IL1RAPL2: variants seen among roughly 807,000 people sequenced by gnomAD.
IL1RAPL2 encodes X-linked interleukin-1 receptor accessory protein-like 2.
Under a neutral mutation model 44.1 loss-of-function variants are expected in IL1RAPL2, and 3 were observed. That is an observed-to-expected ratio of 0.07 (90% CI 0.03 to 0.18). The LOEUF (loss-of-function observed/expected upper bound fraction) is 0.18, where lower values mean the gene tolerates loss of function less well. Among genes scored for constraint, IL1RAPL2 ranks in the 10% least tolerant of loss-of-function variants. The pLI, the probability that IL1RAPL2 is intolerant of heterozygous loss-of-function variation, is 1.00. For synonymous variants in IL1RAPL2, 181 were observed against 178.8 expected, an observed-to-expected ratio of 1.01 and a Z score of -0.10; for missense variants, 391 against 496.4, an observed-to-expected ratio of 0.79 and a Z score of 2.02.
intron 2 of IL1RAPL2, among the ~76,000 whole-genome samples, chrX:104,820,769 T>C (rs1004106526): frequency 1.1e-4 from 12 of 112,386 alleles, no homozygotes; most frequent in African/African-American, 3.9e-4. Flanking sequence ...CTTTGTAAGA[T>C]AGGAATAATA....
At chrX:105,592,304 T>C (rs2037178096) in intron 6 of IL1RAPL2, among the ~76,000 whole-genome samples, 1 of 112,116 alleles carries the variant, frequency 8.9e-6, no homozygotes, top group African/African-American at 3.2e-5. Flanking sequence ...TCCTTTTACT[T>C]TGAGTCTATG....
chrX:105,636,453 A>C (rs1439875213), intron 6 of IL1RAPL2, among the ~76,000 whole-genome samples: 2 of 111,912 alleles, frequency 1.8e-5, no homozygotes, highest in Non-Finnish European at 3.8e-5. Context: ...ATGATATAAT[A>C]AATATGTTTT....
intron 3 of IL1RAPL2, chrX:105,220,201 G>T (rs2033941189): frequency 8.3e-7 from 1 of 1,211,645 alleles, no homozygotes; most frequent in Non-Finnish European, 1.1e-6. Context: ...CCAGGTGCAG[G>T]CCTCTTTGAC....
intron 2 of IL1RAPL2, among the ~76,000 whole-genome samples, chrX:104,911,748 G>A (rs958921863): frequency 7.2e-5 from 8 of 111,793 alleles, no homozygotes; most frequent in African/African-American, 2.6e-4. Flanking sequence ...CTGACATACA[G>A]CTTCATCACC....
chrX:104,609,347 TGAG>T (rs779895244), intron 1 of IL1RAPL2, among the ~76,000 whole-genome samples: 14 of 111,636 alleles, frequency 1.3e-4, no homozygotes, highest in Non-Finnish European at 2.4e-4. Flanking sequence ...TTGCTCTTCT[TGAG>T]GAGAACGTTT....
At chrX:104,642,634 G>A (rs780409417) in intron 1 of IL1RAPL2, among the ~76,000 whole-genome samples, 64 of 110,359 alleles carry the variant, frequency 5.8e-4, no homozygotes, top group Non-Finnish European at 1.0e-3. Flanking sequence ...ACAGGCACCC[G>A]CCACCACACC....
intron 6 of IL1RAPL2, among the ~76,000 whole-genome samples, chrX:105,490,127 C>T (rs1223583093): frequency 2.7e-5 from 3 of 111,495 alleles, no homozygotes; most frequent in East Asian, 2.8e-4. Flanking sequence ...CGAGCCTGGC[C>T]GATAATTTTC....
intron 2 of IL1RAPL2, among the ~76,000 whole-genome samples, chrX:105,134,500 C>T (rs1469671646): frequency 9.0e-6 from 1 of 111,725 alleles, no homozygotes; most frequent in African/African-American, 3.2e-5. Context: ...CAGAATTATT[C>T]AAGAGTAGTC....
chrX:105,411,812 A>G (rs1257785899), intron 5 of IL1RAPL2, among the ~76,000 whole-genome samples: 2 of 112,138 alleles, frequency 1.8e-5, no homozygotes, highest in South Asian at 3.7e-4. Context: ...GTATCTAACA[A>G]ACATTTACAG....
chrX:104,682,107 G>A (rs752562427), intron 2 of IL1RAPL2, among the ~76,000 whole-genome samples: 3 of 112,278 alleles, frequency 2.7e-5, no homozygotes, highest in Non-Finnish European at 5.6e-5. Flanking sequence ...TAACCTTTGA[G>A]TGTGATTTGC....
intron 5 of IL1RAPL2, among the ~76,000 whole-genome samples, chrX:105,454,704 G>A (rs1330566359): frequency 9.0e-6 from 1 of 111,592 alleles, no homozygotes; most frequent in African/African-American, 3.3e-5. Context: ...TCTAACCAGA[G>A]CTGCTGTACA....
At chrX:104,886,593 G>A (rs999969096) in intron 2 of IL1RAPL2, among the ~76,000 whole-genome samples, 2 of 112,214 alleles carry the variant, frequency 1.8e-5, no homozygotes, top group South Asian at 3.7e-4. Context: ...CATCAGTGAG[G>A]CAGTAATTCC....
intron 5 of IL1RAPL2, chrX:105,406,612 T>A: frequency 8.6e-7 from 1 of 1,163,967 alleles, no homozygotes; most frequent in Non-Finnish European, 1.2e-6. Flanking sequence ...ATGGCCAATT[T>A]AAGCCGCTGT....
intron 1 of IL1RAPL2, among the ~76,000 whole-genome samples, chrX:104,637,778 ATGTGTGTGTG>A (rs58410384): frequency 3.6e-4 from 36 of 99,084 alleles, no homozygotes; most frequent in African/African-American, 1.2e-3. Context: ...GTTTTTGTGT[ATGTGTGTGTG>A]TGTGTGTGTG....
chrX:104,686,996 G>A (rs1048051004), intron 2 of IL1RAPL2, among the ~76,000 whole-genome samples: 3 of 111,978 alleles, frequency 2.7e-5, no homozygotes, highest in African/African-American at 6.5e-5. Context: ...TGCAACAACC[G>A]TACAATAGGT....
intron 5 of IL1RAPL2, among the ~76,000 whole-genome samples, chrX:105,373,443 A>G (rs1246083111): frequency 9.0e-6 from 1 of 111,717 alleles, no homozygotes; most frequent in Non-Finnish European, 1.9e-5. Context: ...ACAGTTTGCA[A>G]AAATTTTCTC....
At chrX:105,170,578 T>G (rs927550492) in intron 2 of IL1RAPL2, among the ~76,000 whole-genome samples, 1 of 111,752 alleles carries the variant, frequency 8.9e-6, no homozygotes, top group African/African-American at 3.3e-5. Context: ...TCATTTGTTT[T>G]GCTGACATGG....
intron 2 of IL1RAPL2, among the ~76,000 whole-genome samples, chrX:105,030,359 T>C (rs922377597): frequency 1.1e-3 from 120 of 111,806 alleles, no homozygotes; most frequent in African/African-American, 3.6e-3. Context: ...GGTTTTCTTC[T>C]AGGGTTTTTA....
chrX:104,935,433 T>C (rs904000448), intron 2 of IL1RAPL2, among the ~76,000 whole-genome samples: 4 of 112,201 alleles, frequency 3.6e-5, no homozygotes, highest in Non-Finnish European at 7.5e-5. Flanking sequence ...GGTATTTGCA[T>C]ATTAAAAACA....
Sources: gnomAD v4.1 joint callset for allele counts (sites outside exome capture counted in the v4.1 genomes callset) on GRCh38, gnomAD v4.1.1 for gene constraint, MANE v1.5 for transcripts, NCBI Gene and HGNC (gene_info 2026-07-23, HGNC 2026-07-21) for gene names.